PLCH1: variants seen among roughly 807,000 people sequenced by gnomAD.
PLCH1 encodes 1-phosphatidylinositol 4,5-bisphosphate phosphodiesterase eta-1.
A neutral mutation model predicts 126.7 loss-of-function variants in PLCH1; 60 were observed. The observed-to-expected ratio is 0.47, with a 90% CI of 0.38 to 0.59. The LOEUF (loss-of-function observed/expected upper bound fraction) is 0.59, where lower values mean the gene tolerates loss of function less well. Ranked by LOEUF, PLCH1 falls within the 20% of genes least tolerant of loss-of-function variation. The probability of loss-of-function intolerance (pLI) is 0.00; values close to 1 mark genes in which losing one functional copy is unlikely to be tolerated. For synonymous variants in PLCH1, 719 were observed against 734.9 expected (o/e 0.98, Z 0.35); for missense variants, 1,723 against 2,040.0 (o/e 0.84, Z 2.99).
Position 155,530,264 on chromosome 3 carries a change from A to C in PLCH1, c.1363-6260T>G, listed in dbSNP as rs142863699. ...AAGAACCCACTTGCTTTGCTTATTC[A>C]TATAAGTAATTCCTCATCTATTTAA... On this transcript the variant is annotated intron_variant, in intron 10 of 22. Coordinates refer to ENST00000460012, the MANE Select transcript of PLCH1 (RefSeq NM_014996.4). 4.8e-3 allele frequency among the ~76,000 whole-genome samples: 731 copies of C among 152,116 alleles called. 2 individuals are homozygous for C. Among genetic ancestry groups the C allele is most frequent in the Non-Finnish European group, 7.7e-3 (523 of 67,996 alleles).
intron 2 of PLCH1, among the ~76,000 whole-genome samples, chr3:155,598,206 A>AT (rs1304153511): frequency 2.6e-5 from 4 of 152,178 alleles, no homozygotes; most frequent in African/African-American, 9.7e-5. Context: ...ATTACTTAAA[A>AT]TAAACACACA....
At chr3:155,595,234 C>G (rs1732829672) in intron 3 of PLCH1, among the ~76,000 whole-genome samples, 1 of 152,118 alleles carries the variant, frequency 6.6e-6, no homozygotes, top group African/African-American at 2.4e-5. Flanking sequence ...GTTAGCAGAG[C>G]AAATATGAAG....
At chr3:155,486,093 A>C in intron 21 of PLCH1, 1 of 1,096,684 alleles carries the variant, frequency 9.1e-7, no homozygotes, top group Non-Finnish European at 1.3e-6. Context: ...TGCTGCCATA[A>C]CCACTTAAAA....
chr3:155,594,337 G>A (rs746809862), intron 3 of PLCH1, among the ~76,000 whole-genome samples, 153 bp from the exon 4 acceptor site: 1 of 152,070 alleles, frequency 6.6e-6, no homozygotes, highest in South Asian at 2.1e-4. Flanking sequence ...TTGGGAGGTC[G>A]AGGTGGACAG....
At chr3:155,494,047 C>T in intron 17 of PLCH1, 94 bp downstream of exon 17, 4 of 961,618 alleles carry the variant, frequency 4.2e-6, no homozygotes, top group Non-Finnish European at 4.9e-6. Context: ...TGGGGTATCA[C>T]ACTTTCTAAA....
intron 2 of PLCH1, chr3:155,658,214 G>A (rs542052085): frequency 3.9e-5 from 8 of 204,746 alleles, no homozygotes; most frequent in East Asian, 2.4e-4. Flanking sequence ...TCTTGGGACC[G>A]TTCTGATCAT....
intron 2 of PLCH1, among the ~76,000 whole-genome samples, chr3:155,611,722 C>G (rs1735123320): frequency 6.6e-6 from 1 of 152,096 alleles, no homozygotes; most frequent in African/African-American, 2.4e-5. Context: ...GCATTTTTTT[C>G]TTCAGCACAT....
At chr3:155,545,961 C>A (rs1411698156) in intron 10 of PLCH1, among the ~76,000 whole-genome samples, 1 of 151,654 alleles carries the variant, frequency 6.6e-6, no homozygotes, top group Non-Finnish European at 1.5e-5. Flanking sequence ...GGAAGCATTC[C>A]CTTTGAAAAC....
chr3:155,561,856 A>T (rs1727677388), intron 8 of PLCH1, among the ~76,000 whole-genome samples: 1 of 152,076 alleles, frequency 6.6e-6, no homozygotes, highest in Non-Finnish European at 1.5e-5. Context: ...ATCTCGGCTC[A>T]CTGCAACCTC....
At chr3:155,588,893 C>T (rs562950092) in intron 4 of PLCH1, among the ~76,000 whole-genome samples, 3 of 152,294 alleles carry the variant, frequency 2.0e-5, no homozygotes, top group South Asian at 2.1e-4. Context: ...CCTTCCAACT[C>T]TAAGATTCCA....
intron 1 of PLCH1, among the ~76,000 whole-genome samples, chr3:155,731,986 C>CAAAAAAAAAAAAAAAAA: frequency 1.5e-5 from 1 of 68,292 alleles, no homozygotes; most frequent in Admixed American, 1.7e-4. Flanking sequence ...GACCCTGTCT[C>CAAAAAAAAAAAAAAAAA]AAAAAAAAAA....
intron 6 of PLCH1, among the ~76,000 whole-genome samples, chr3:155,575,478 A>G (rs1279284214): frequency 6.6e-6 from 1 of 152,230 alleles, no homozygotes; most frequent in African/African-American, 2.4e-5. Context: ...GGTAATGTAT[A>G]GATCTATATC....
chr3:155,543,876 C>A (rs1311013738), intron 10 of PLCH1, among the ~76,000 whole-genome samples: 2 of 151,848 alleles, frequency 1.3e-5, no homozygotes, highest in African/African-American at 4.8e-5. Context: ...CCTAAAAGAG[C>A]TCCTGAAGGA....
At chr3:155,560,947 C>T (rs181125831) in intron 8 of PLCH1, among the ~76,000 whole-genome samples, 4 of 152,244 alleles carry the variant, frequency 2.6e-5, no homozygotes, top group Admixed American at 6.5e-5. Context: ...TCCAAGGATG[C>T]TCTTTTGTAT....
Position 155,566,250 on chromosome 3 carries a change from C to T in PLCH1, c.866-1132G>A, listed in dbSNP as rs530765281. On this transcript the variant is annotated intron_variant, in intron 7 of 22. Transcript: ENST00000460012. ...ATACACATATATATACATATATATA[C>T]GTATATATACACATATATATACATA... Among the ~76,000 whole-genome samples the T allele has an allele frequency of 1.3e-4, 12 of 89,254 alleles. 2 individuals are homozygous for T. The highest frequency in any genetic ancestry group is 2.4e-4 in the African/African-American group (6 of 24,910). 58.6% of individuals were successfully genotyped at this position (89,254 alleles called of 152,430 possible).
At chr3:155,655,568 C>A (rs1377476543) in intron 2 of PLCH1, among the ~76,000 whole-genome samples, 1 of 152,212 alleles carries the variant, frequency 6.6e-6, no homozygotes, top group African/African-American at 2.4e-5. Context: ...GAATCCAAAT[C>A]TCTCCATACA....
chr3:155,537,674 G>T (rs1220988204), intron 10 of PLCH1, among the ~76,000 whole-genome samples: 7 of 151,934 alleles, frequency 4.6e-5, no homozygotes, highest in Admixed American at 4.6e-4. Context: ...CATGATAAAA[G>T]AACTAGTCCA....
intron 1 of PLCH1, chr3:155,742,334 C>T (rs947473582): frequency 1.3e-5 from 2 of 152,162 alleles, no homozygotes; most frequent in African/African-American, 2.4e-5. Flanking sequence ...AGCCCTATAT[C>T]TGAAAGACTG....
At position 155,543,655 on chromosome 3, in the gene PLCH1, A is replaced by T. The variant is rs867815242; in HGVS notation, c.1362+6132T>A. The stretch of plus-strand genomic sequence containing the variant: ...GCCAGAGAGAAAGGTCGGGTTACCC[A>T]CAAAGGGAAGCCCATCAGACTAACA... On this transcript the variant is annotated intron_variant, in intron 10 of 22. Transcript: ENST00000460012. Among the ~76,000 whole-genome samples, 22 of 152,204 alleles carry T rather than the reference A, an allele frequency of 1.4e-4. 1 individual carries two copies. Among genetic ancestry groups the T allele is most frequent in the African/African-American group, 4.6e-4 (19 of 41,534 alleles).
Sources: gnomAD v4.1 joint callset for allele counts (sites outside exome capture counted in the v4.1 genomes callset) on GRCh38, gnomAD v4.1.1 for gene constraint, MANE v1.5 for transcripts, NCBI Gene and HGNC (gene_info 2026-07-23, HGNC 2026-07-21) for gene names.